Variants in RAB11FIP3 observed in about 807,000 individuals in gnomAD.
RAB11FIP3 encodes rab11 family-interacting protein 3.
RAB11FIP3 carries 17 observed loss-of-function variants against 77.8 expected under a neutral mutation model. That is an observed-to-expected ratio of 0.22 (90% CI 0.15 to 0.33). The LOEUF (loss-of-function observed/expected upper bound fraction) is 0.33. Ranked by LOEUF, RAB11FIP3 falls within the 10% of genes least tolerant of loss-of-function variation. The probability of loss-of-function intolerance (pLI) is 1.00; values close to 1 mark genes in which losing one functional copy is unlikely to be tolerated. For synonymous variants in RAB11FIP3, 437 were observed against 448.2 expected, an observed-to-expected ratio of 0.98 and a Z score of 0.31; for missense variants, 1,005 against 1,011.2, an observed-to-expected ratio of 0.99 and a Z score of 0.08.
intron 3 of RAB11FIP3, among the ~76,000 whole-genome samples, chr16:481,029 G>A (rs1177928935): frequency 1.8e-5 from 1 of 55,868 alleles, no homozygotes; most frequent in African/African-American, 4.0e-5. Context: ...GGCTGGTCTC[G>A]AACTCCCAAC....
rs1244334805 is a variant in RAB11FIP3 at position 457,665 on chromosome 16, C to G, written c.715-3739C>G. 2.6e-5 allele frequency among the ~76,000 whole-genome samples: 4 copies of G among 152,150 alleles called. No homozygotes were observed. In the East Asian group the frequency reaches 7.7e-4, roughly 29 times the overall value. Reference sequence around the variant, plus strand: ...AGTTTTAAAAATGTATACTTTGATTCACTCTTGTTCATTCTAACATGGTAA... The same window carrying G: ...AGTTTTAAAAATGTATACTTTGATTGACTCTTGTTCATTCTAACATGGTAA... On this transcript the variant is annotated intron_variant, in intron 1 of 13. Transcript: ENST00000262305.
chr16:501,185 G>T (rs1422763631), intron 6 of RAB11FIP3, among the ~76,000 whole-genome samples: 2 of 152,272 alleles, frequency 1.3e-5, no homozygotes, highest in Non-Finnish European at 2.9e-5. Flanking sequence ...GACATTTTCA[G>T]TGGAAAAATA....
intron 1 of RAB11FIP3, among the ~76,000 whole-genome samples, chr16:440,941 C>CTT (rs1160155330): frequency 2.8e-5 from 4 of 143,480 alleles, no homozygotes; most frequent in Non-Finnish European, 4.6e-5. Flanking sequence ...GTCCATTTTT[C>CTT]TTTTTTTTTT....
chr16:489,075 G>A, intron 5 of RAB11FIP3, 75 bp downstream of exon 5: 2 of 1,471,548 alleles, frequency 1.4e-6, no homozygotes, highest in Non-Finnish European at 9.0e-7. Context: ...TCCCTTTTTG[G>A]TTCGTGCATT....
intron 1 of RAB11FIP3, among the ~76,000 whole-genome samples, chr16:435,502 G>C (rs1032316482): frequency 1.3e-5 from 2 of 152,194 alleles, no homozygotes; most frequent in African/African-American, 2.4e-5. Context: ...TTATGATAGA[G>C]TGATGTACTA....
At chr16:468,113 G>GAA (rs1397311218) in intron 2 of RAB11FIP3, among the ~76,000 whole-genome samples, 3 of 52,092 alleles carry the variant, frequency 5.8e-5, no homozygotes, top group Non-Finnish European at 8.4e-5. Context: ...GAGGTGCTGG[G>GAA]GCCTCAGGGA....
intron 2 of RAB11FIP3, among the ~76,000 whole-genome samples, chr16:467,608 T>A (rs113000205): frequency 1.8e-3 from 103 of 58,416 alleles, no homozygotes; most frequent in African/African-American, 6.3e-3. Flanking sequence ...GAGGAGGTGC[T>A]GGGGCGTCAG....
Position 426,319 on chromosome 16 carries a change from GC to G in RAB11FIP3, c.317del (p.Pro106ArgfsTer134). The G allele has an allele frequency of 7.4e-7, 1 of 1,358,978 alleles. No homozygotes were observed. 84.2% of individuals were successfully genotyped at this position (1,358,978 alleles called of 1,614,324 possible). ...GCGGGGGCAGCTTGCGAGCCCCGAC[GC>G]CCCGGGCCCAGGGCCGCGCTCCGAA... ...GPRGQLASPD[A>X]PGPGPRSEAP... On this transcript the variant is annotated frameshift_variant, in exon 1 of 14. Transcript: ENST00000262305. LOFTEE classifies it high-confidence loss of function. This position sits in a 1 kb window ranked among gnomAD's most constrained non-coding sequence, Gnocchi z 5.0.
rs58586005 is a variant in RAB11FIP3, at chr16:500,887, G to A, written c.1302-2117G>A. On this transcript the variant is annotated intron_variant, in intron 6 of 13. Coordinates refer to ENST00000262305, the MANE Select transcript of RAB11FIP3 (RefSeq NM_014700.4). The stretch of plus-strand genomic sequence containing the variant: ...GACAGCTCAGAAGTGCTGACAGGTC[G>A]TGGCCTCTCAGGATGGGCTCTGGGT... Among the ~76,000 whole-genome samples the A allele has an allele frequency of 4.8e-4, 73 of 152,180 alleles. No homozygotes were observed. In the East Asian group the frequency reaches 0.013, roughly 27 times the overall value.
intron 4 of RAB11FIP3, among the ~76,000 whole-genome samples, chr16:483,067 AC>A (rs1174435117): frequency 6.6e-6 from 1 of 151,972 alleles, no homozygotes; most frequent in East Asian, 1.9e-4. Flanking sequence ...CCTTTGCAGC[AC>A]CCCTGAGGAG....
chr16:488,801 G>A (rs749909958), intron 4 of RAB11FIP3, 50 bp from the exon 5 acceptor site: 3 of 1,589,262 alleles, frequency 1.9e-6, no homozygotes, highest in South Asian at 1.1e-5. Flanking sequence ...CTCAGCTCGG[G>A]GGTGCCCTGG....
At chr16:489,140 C>A (rs2038227) in intron 5 of RAB11FIP3, 140 bp downstream of exon 5, 620,813 of 1,046,724 alleles carry the variant, frequency 0.59, 186,856 homozygotes, top group African/African-American at 0.71. Context: ...CATATTCAAA[C>A]ATTTTAAATT....
At chr16:431,135 G>A (rs946445643) in intron 1 of RAB11FIP3, among the ~76,000 whole-genome samples, 8 of 152,008 alleles carry the variant, frequency 5.3e-5, no homozygotes, top group South Asian at 2.1e-4. Context: ...ATGTGTGTGC[G>A]GTGAGATGTG....
At chr16:454,930 A>G (rs754423048) in intron 1 of RAB11FIP3, among the ~76,000 whole-genome samples, 4 of 151,734 alleles carry the variant, frequency 2.6e-5, no homozygotes, top group African/African-American at 4.8e-5. Context: ...CGTGCCTGTA[A>G]TCCCAGTTAC....
Position 500,840 on chromosome 16 carries a change from CCAGAAGTGCCTACGCCTCTAGGACAGCT to C in RAB11FIP3, c.1302-2154_1302-2127del, listed in dbSNP as rs1449246953. 5.3e-5 allele frequency among the ~76,000 whole-genome samples: 8 copies of C among 152,252 alleles called. No homozygotes were observed. The South Asian group carries it at 1.7e-3, about 32-fold the overall frequency. On this transcript the variant is annotated intron_variant, in intron 6 of 13. Coordinates refer to ENST00000262305, the MANE Select transcript of RAB11FIP3 (RefSeq NM_014700.4). ...GGATGGCTGTGTCCCCGAGTCAGCC[CCAGAAGTGCCTACGCCTCTAGGACAGCT>C]CAGAAGTGCTGACAGGTCGTGGCCT...
chr16:474,966 T>C (rs2055873841), intron 3 of RAB11FIP3: 1 of 1,551,206 alleles, frequency 6.4e-7, no homozygotes, highest in Non-Finnish European at 8.7e-7. Context: ...GGTGACATTG[T>C]TGTTTGAGAA....
chr16:491,700 C>T (rs1340165063), intron 5 of RAB11FIP3, among the ~76,000 whole-genome samples: 2 of 152,206 alleles, frequency 1.3e-5, no homozygotes, highest in Admixed American at 1.3e-4. Flanking sequence ...TGAGGGAGCT[C>T]ACTGTGTCTC....
chr16:491,345 G>A, intron 5 of RAB11FIP3: 1 of 1,258,748 alleles, frequency 7.9e-7, no homozygotes, highest in South Asian at 1.3e-5. Flanking sequence ...CCCCTTGAGG[G>A]CCTGCCCCGA....
At chr16:427,617 C>T (rs1210055400) in intron 1 of RAB11FIP3, among the ~76,000 whole-genome samples, 1 of 152,180 alleles carries the variant, frequency 6.6e-6, no homozygotes, top group Non-Finnish European at 1.5e-5. Context: ...TACCAGTGCT[C>T]ACTTTTAAAT....
Sources: gnomAD v4.1 joint callset for allele counts (sites outside exome capture counted in the v4.1 genomes callset) on GRCh38, gnomAD v4.1.1 for gene constraint, Gnocchi (gnomAD v3.1) non-coding constraint, MANE v1.5 for transcripts, NCBI Gene and HGNC (gene_info 2026-07-23, HGNC 2026-07-21) for gene names.